CEP63: variants seen among roughly 807,000 people sequenced by gnomAD.
CEP63 encodes the protein centrosomal protein of 63 kDa.
CEP63 carries 84 observed loss-of-function variants against 89.1 expected under a neutral mutation model. The ratio of observed to expected loss-of-function variants is 0.94; its 90% CI spans 0.79 to 1.13. The LOEUF (loss-of-function observed/expected upper bound fraction) is 1.13. Ranked by LOEUF, CEP63 falls within the 50% of genes most tolerant of loss-of-function variation. The pLI is 0.00. For synonymous variants in CEP63, 267 were observed against 272.5 expected (o/e 0.98, Z 0.20); for missense variants, 838 against 813.3 (o/e 1.03, Z -0.37).
the CEP63 span, among the ~76,000 whole-genome samples, chr3:134,734,287 T>C: frequency 6.6e-6 from 1 of 152,034 alleles, no homozygotes; most frequent in Non-Finnish European, 1.5e-5. Flanking sequence ...TTTATACTAC[T>C]CAGCAAGAAA....
the CEP63 span, among the ~76,000 whole-genome samples, chr3:134,750,856 A>T: frequency 6.6e-6 from 1 of 152,180 alleles, no homozygotes; most frequent in Non-Finnish European, 1.5e-5. Context: ...ATTGAGATGA[A>T]ATTTCTACAA....
downstream of CEP63, among the ~76,000 whole-genome samples, chr3:134,566,312 A>G (rs1375665711): frequency 1.3e-5 from 2 of 152,164 alleles, no homozygotes; most frequent in Admixed American, 1.3e-4. Context: ...AATGCAAAAC[A>G]TTTATTAATG....
the CEP63 span, among the ~76,000 whole-genome samples, chr3:134,710,733 T>A: frequency 6.6e-6 from 1 of 151,098 alleles, no homozygotes; most frequent in Non-Finnish European, 1.5e-5. Flanking sequence ...TTTCTTTTTT[T>A]TTTTTTTGAG....
chr3:134,551,754 TAC>T (rs1272202256), intron 11 of CEP63, among the ~76,000 whole-genome samples, 170 bp from the exon 12 acceptor site: 18 of 21,816 alleles, frequency 8.3e-4, no homozygotes, highest in African/African-American at 1.9e-3. Flanking sequence ...TATATATATA[TAC>T]ACACACACAC....
rs760066950 is a variant in CEP63 at position 134,561,568 on chromosome 3, AAT to A, written c.*35_*36del. 8 of 1,589,408 alleles carry A rather than the reference AAT, an allele frequency of 5.0e-6. No individual in the cohort carries two copies. The Admixed American group carries it at 1.4e-4, about 28-fold the overall frequency. ...AAAAAATCACTATCTTGGAAATAAA[AAT>A]AAACACCAAAGAGTTACTGTCATCT... On this transcript the variant is annotated 3_prime_UTR_variant, in exon 15 of 15. Coordinates refer to ENST00000675561, the MANE Select transcript of CEP63 (RefSeq NM_001353108.3).
At chr3:134,501,351 T>C (rs535701238) in intron 2 of CEP63, among the ~76,000 whole-genome samples, 1 of 152,220 alleles carries the variant, frequency 6.6e-6, no homozygotes, top group Non-Finnish European at 1.5e-5. Context: ...TAAAATAGTT[T>C]TTTTCTAATT....
the CEP63 span, among the ~76,000 whole-genome samples, chr3:134,695,116 G>T: frequency 4.3e-4 from 65 of 152,350 alleles, no homozygotes; most frequent in African/African-American, 1.4e-3. Context: ...GCCGGGACCT[G>T]CCTGAGCTGT....
At chr3:134,646,580 A>G in the CEP63 span, among the ~76,000 whole-genome samples, 1 of 152,172 alleles carries the variant, frequency 6.6e-6, no homozygotes, top group East Asian at 1.9e-4. Flanking sequence ...TCACTTTTAG[A>G]ACTTCATCTT....
chr3:134,681,207 T>C, the CEP63 span, among the ~76,000 whole-genome samples: 48 of 152,248 alleles, frequency 3.2e-4, 1 homozygote, highest in African/African-American at 1.1e-3. Flanking sequence ...GGAATTAGCC[T>C]TCTGTGGCTA....
chr3:134,655,031 G>A, the CEP63 span, among the ~76,000 whole-genome samples: 2 of 152,296 alleles, frequency 1.3e-5, no homozygotes, highest in South Asian at 2.1e-4. Context: ...CTCCCAGTAG[G>A]GTGATAGTGA....
At chr3:134,492,870 A>G (rs1938224397) in intron 1 of CEP63, among the ~76,000 whole-genome samples, 1 of 152,160 alleles carries the variant, frequency 6.6e-6, no homozygotes. Flanking sequence ...TTTTTAGTTT[A>G]TCATAGTCAA....
chr3:134,621,111 AG>A, the CEP63 span, among the ~76,000 whole-genome samples: 1 of 152,226 alleles, frequency 6.6e-6, no homozygotes, highest in Non-Finnish European at 1.5e-5. Context: ...GGGGCTAGCC[AG>A]GCAGGCATCT....
chr3:134,765,582 G>A, the CEP63 span, among the ~76,000 whole-genome samples: 6 of 152,216 alleles, frequency 3.9e-5, no homozygotes, highest in African/African-American at 1.4e-4. Context: ...AGGGAGAAGT[G>A]TATTCCAGGT....
chr3:134,574,977 G>C (rs1171424296), exon 12 of CEP63: 1 of 408,678 alleles, frequency 2.4e-6, no homozygotes, highest in Non-Finnish European at 4.3e-6. Context: ...AATCTGTACT[G>C]TTGGAATTTT....
At chr3:134,604,637 A>G in the CEP63 span, among the ~76,000 whole-genome samples, 1 of 152,162 alleles carries the variant, frequency 6.6e-6, no homozygotes, top group Non-Finnish European at 1.5e-5. Context: ...CAAGCAACCA[A>G]TATGACTTCA....
At chr3:134,660,388 C>T in the CEP63 span, among the ~76,000 whole-genome samples, 1 of 152,198 alleles carries the variant, frequency 6.6e-6, no homozygotes, top group African/African-American at 2.4e-5. Flanking sequence ...TGAGTGGTAT[C>T]AACTATTATC....
the CEP63 span, among the ~76,000 whole-genome samples, chr3:134,688,215 T>A: frequency 6.6e-6 from 1 of 152,174 alleles, no homozygotes; most frequent in Non-Finnish European, 1.5e-5. Flanking sequence ...ATCCATACAA[T>A]AGATTACTAT....
chr3:134,618,467 C>A, the CEP63 span, among the ~76,000 whole-genome samples: 2 of 152,142 alleles, frequency 1.3e-5, no homozygotes, highest in African/African-American at 4.8e-5. Context: ...TGACTGTTTT[C>A]TGGAGGAACC....
chr3:134,614,721 AT>A, the CEP63 span, among the ~76,000 whole-genome samples: 1 of 152,106 alleles, frequency 6.6e-6, no homozygotes, highest in Non-Finnish European at 1.5e-5. Context: ...TAGTGTATTA[AT>A]TTGGTATTAT....
Sources: allele counts gnomAD v4.1 joint callset (sites outside exome capture counted in the v4.1 genomes callset), GRCh38; gene constraint gnomAD v4.1.1; transcripts MANE v1.5; gene names NCBI Gene and HGNC (gene_info 2026-07-23, HGNC 2026-07-21).